Variants in DUT observed in about 807,000 individuals in gnomAD.
DUT encodes deoxyuridine 5'-triphosphate nucleotidohydrolase, mitochondrial.
A neutral mutation model predicts 28.8 loss-of-function variants in DUT; 21 were observed. That is an observed-to-expected ratio of 0.73 (90% CI 0.52 to 1.05). DUT has a LOEUF of 1.05. Among genes scored for constraint, DUT ranks in the 50% least tolerant of loss-of-function variants. DUT has a pLI of 0.00. For missense variants in DUT, 344 were observed against 351.8 expected, an observed-to-expected ratio of 0.98 and a Z score of 0.18; for synonymous variants, 147 against 143.7, an observed-to-expected ratio of 1.02 and a Z score of -0.17.
chr15:48,341,669 C>A, intron 6 of DUT, 84 bp downstream of exon 6: 3 of 1,113,822 alleles, frequency 2.7e-6, no homozygotes, highest in South Asian at 2.9e-5. Context: ...ATTTAATATG[C>A]TGTTTGTAAC....
chr15:48,332,454 G>A, intron 2 of DUT, 48 bp downstream of exon 2: 3 of 1,438,924 alleles, frequency 2.1e-6, no homozygotes, highest in South Asian at 2.7e-5. Context: ...CCGGCCGTCC[G>A]CTGCCACAGC....
chr15:48,331,809 G>A lies in DUT; in HGVS notation c.280+14G>A. ...CGCCGGGGCCGGGTAGGAAAGGCGG[G>A]GGAGGGGCTCCGGCCGTCTGGAAGG... is the stretch of plus-strand genomic sequence containing the variant. On this transcript the variant is annotated intron_variant, in intron 1 of 6. Transcript: ENST00000331200. The A allele has an allele frequency of 1.5e-6, 2 of 1,364,486 alleles. No homozygotes were observed. The highest frequency in any genetic ancestry group is 3.0e-5 in the East Asian group (1 of 32,966). 84.5% of individuals were successfully genotyped at this position (1,364,486 alleles called of 1,614,324 possible). A position where few individuals can be genotyped will look rare whatever the true frequency, so the allele number is the denominator to read the frequency against.
Position 48,332,606 on chromosome 15 carries a change from G to A in DUT, c.419+200G>A, listed in dbSNP as rs1160551536. 1.4e-5 allele frequency: 10 copies of A among 704,054 alleles called. No individual in the cohort carries two copies. In the East Asian group the frequency reaches 2.7e-4, roughly 19 times the overall value. 43.6% of individuals were successfully genotyped at this position (704,054 alleles called of 1,614,324 possible). On this transcript the variant is annotated intron_variant, in intron 2 of 6. Coordinates refer to ENST00000331200, the MANE Select transcript of DUT (RefSeq NM_001025248.2). ...CAAAGACTGCAGAATAAGTAAAATA[G>A]CTATACGGTGTCTAGCAAGGCGTTA... is the stretch of plus-strand genomic sequence containing the variant.
intron 4 of DUT, chr15:48,340,152 G>C (rs1379903658): frequency 6.6e-6 from 1 of 152,046 alleles, no homozygotes; most frequent in African/African-American, 2.4e-5. Context: ...CAGGGCTTTT[G>C]TTTGGGGTAG....
At chr15:48,337,462 A>G (rs2042487723) in intron 4 of DUT, among the ~76,000 whole-genome samples, 1 of 152,164 alleles carries the variant, frequency 6.6e-6, no homozygotes, top group Non-Finnish European at 1.5e-5. Context: ...TCATTTTACA[A>G]TGGAAATTAG....
intron 3 of DUT, among the ~76,000 whole-genome samples, chr15:48,335,424 T>C (rs1566873085): frequency 6.6e-6 from 1 of 152,226 alleles, no homozygotes; most frequent in Non-Finnish European, 1.5e-5. Flanking sequence ...TTTTGGCATT[T>C]TTACTTAACT....
chr15:48,340,040 CT>C (rs2042516761), intron 4 of DUT: 1 of 152,118 alleles, frequency 6.6e-6, no homozygotes, highest in South Asian at 2.1e-4. Flanking sequence ...GTTTTTTTGT[CT>C]GTTTTCTCAG....
At chr15:48,340,441 G>C (rs759942509) in intron 4 of DUT, among the ~76,000 whole-genome samples, 2 of 152,152 alleles carry the variant, frequency 1.3e-5, no homozygotes, top group Non-Finnish European at 2.9e-5. Context: ...TATGCTTTGT[G>C]AATTATTTAT....
chr15:48,338,145 T>C (rs1042518192), intron 4 of DUT, among the ~76,000 whole-genome samples: 9 of 152,036 alleles, frequency 5.9e-5, no homozygotes, highest in African/African-American at 2.2e-4. Flanking sequence ...AATTGGGTGG[T>C]AAATGAATTT....
At chr15:48,331,147 A>G (rs1195028130), upstream of DUT, 4 of 1,333,620 alleles carry the variant, frequency 3.0e-6, no homozygotes, top group South Asian at 1.8e-5. Flanking sequence ...GGGCGCCGCT[A>G]AACTCAGAGC....
intron 4 of DUT, among the ~76,000 whole-genome samples, 159 bp downstream of exon 4, chr15:48,336,249 T>C (rs1342972325): frequency 6.6e-6 from 1 of 152,172 alleles, no homozygotes; most frequent in Non-Finnish European, 1.5e-5. Context: ...TTTTAAGTAA[T>C]TATATTTTGT....
chr15:48,331,115 C>T, upstream of DUT: 2 of 1,265,712 alleles, frequency 1.6e-6, no homozygotes, highest in South Asian at 2.0e-5. Flanking sequence ...TCACCGGCGC[C>T]GAGATGCGGT....
chr15:48,332,874 T>C, intron 2 of DUT: 1 of 431,070 alleles, frequency 2.3e-6, no homozygotes, highest in African/African-American at 2.0e-5. Flanking sequence ...AAGGCAGAGC[T>C]GCCTGTAATC....
chr15:48,338,081 C>A (rs1358582273), intron 4 of DUT, among the ~76,000 whole-genome samples: 2 of 151,944 alleles, frequency 1.3e-5, no homozygotes, highest in Non-Finnish European at 2.9e-5. Flanking sequence ...GGAGAAATAT[C>A]CCTGATACTT....
At chr15:48,331,243 T>C (rs1029790631), upstream of DUT, 8 of 1,477,984 alleles carry the variant, frequency 5.4e-6, no homozygotes, top group East Asian at 2.6e-5. Flanking sequence ...CTCGGAAAAA[T>C]GGGGGCCAGA....
At chr15:48,331,118 G>A, upstream of DUT, 1 of 1,465,434 alleles carries the variant, frequency 6.8e-7, no homozygotes, top group Non-Finnish European at 8.9e-7. Context: ...CCGGCGCCGA[G>A]ATGCGGTTCC....
chr15:48,331,667 A>G lies in DUT; in HGVS notation c.152A>G (p.His51Arg). 6.5e-7 allele frequency: 1 copy of G among 1,535,768 alleles called. No individual in the cohort carries two copies. The highest frequency in any genetic ancestry group is 8.8e-7 in the Non-Finnish European group (1 of 1,141,030). ...PGPPLGRAAQ[H>R]GIPRPLSSAG... ...CCGCCCCTCGGCCGCGCCGCGCAGC[A>G]CGGGATTCCCCGGCCGCTGTCCAGC... Residue 51 changes from histidine to arginine, a missense_variant, in exon 1 of 7, where the codon CAC (histidine) becomes CGC (arginine). Transcript: ENST00000331200.
intron 4 of DUT, among the ~76,000 whole-genome samples, chr15:48,336,470 C>G (rs1473105660): frequency 6.6e-6 from 1 of 152,134 alleles, no homozygotes; most frequent in Non-Finnish European, 1.5e-5. Flanking sequence ...ACACTTTTCT[C>G]TAAATTTGTT....
chr15:48,332,355 C>G lies in DUT; in HGVS notation c.368C>G (p.Ala123Gly). Residue 123 changes from alanine to glycine, a missense_variant, in exon 2 of 7, where the codon GCC (alanine) becomes GGC (glycine). Ala to Gly is a moderately conservative substitution (Grantham distance 60). Transcript: ENST00000331200. ...QLRFARLSEH[A>G]TAPTRGSARA... is the part of the protein sequence containing the mutation. ...CGCTTTGCCCGGCTCTCCGAGCACG[C>G]CACGGCCCCCACCCGGGGCTCCGCG... is the stretch of plus-strand genomic sequence containing the variant. 5 of 1,601,914 alleles carry G rather than the reference C, an allele frequency of 3.1e-6. No homozygotes were observed. The highest frequency in any genetic ancestry group is 3.4e-6 in the Non-Finnish European group (4 of 1,175,496).
Sources: gnomAD v4.1 joint callset for allele counts (sites outside exome capture counted in the v4.1 genomes callset) on GRCh38, gnomAD v4.1.1 for gene constraint, MANE v1.5 for transcripts, NCBI Gene and HGNC (gene_info 2026-07-23, HGNC 2026-07-21) for gene names.